The following RAB3GAP2 variants were observed in gnomAD, a reference collection of about 807,000 sequenced individuals.
RAB3GAP2 encodes rab3 GTPase-activating protein non-catalytic subunit.
A neutral mutation model predicts 185.3 loss-of-function variants in RAB3GAP2; 87 were observed. That is an observed-to-expected ratio of 0.47 (90% CI 0.39 to 0.56). The LOEUF (loss-of-function observed/expected upper bound fraction) is 0.56, where lower values mean the gene tolerates loss of function less well. Ranked by LOEUF, RAB3GAP2 falls within the 20% of genes least tolerant of loss-of-function variation. The pLI, the probability that RAB3GAP2 is intolerant of heterozygous loss-of-function variation, is 0.00. For missense variants in RAB3GAP2, 1,492 were observed against 1,638.2 expected, an observed-to-expected ratio of 0.91 and a Z score of 1.54; for synonymous variants, 554 against 576.1, an observed-to-expected ratio of 0.96 and a Z score of 0.55.
In RAB3GAP2 at chr1:220,217,637, A is replaced by G. The variant is rs192480315; in HGVS notation, c.181-3658T>C. 8.7e-3 allele frequency among the ~76,000 whole-genome samples: 1,325 copies of G among 152,254 alleles called. 13 individuals carry two copies. The highest frequency in any genetic ancestry group is 0.03 in the African/African-American group (1,247 of 41,544). On this transcript the variant is annotated intron_variant, in intron 2 of 34. Coordinates refer to ENST00000358951, the MANE Select transcript of RAB3GAP2 (RefSeq NM_012414.4). ...TATTTTTCACCTCCACATGTAGCAC[A>G]GTCCACTAATAGAATATAGGAGTAA...
intron 1 of RAB3GAP2, among the ~76,000 whole-genome samples, chr1:220,241,306 A>T (rs540515047): frequency 6.6e-6 from 1 of 152,212 alleles, no homozygotes; most frequent in East Asian, 1.9e-4. Flanking sequence ...TGCTTTTTCC[A>T]ATATGAGTAT....
At chr1:220,260,872 G>A (rs112449852) in intron 1 of RAB3GAP2, among the ~76,000 whole-genome samples, 7 of 152,170 alleles carry the variant, frequency 4.6e-5, no homozygotes, top group African/African-American at 9.6e-5. Context: ...CATATGGCTT[G>A]AACACTTCAA....
chr1:220,245,623 G>A (rs539144011), intron 1 of RAB3GAP2, among the ~76,000 whole-genome samples: 1 of 152,116 alleles, frequency 6.6e-6, no homozygotes, highest in South Asian at 2.1e-4. Flanking sequence ...GCTTGCTTAG[G>A]TAAACAAAGC....
rs971878780 is a variant in RAB3GAP2, at chr1:220,210,399, C to T, written c.601G>A (p.Val201Met). 17 of 1,613,742 alleles carry T rather than the reference C, an allele frequency of 1.1e-5. No individual in the cohort carries two copies. The highest frequency in any genetic ancestry group is 3.3e-5 in the South Asian group (3 of 91,082). Reference protein sequence around the residue: ...RTYEIPRHPGVTEQNEELSIL... With the variant: ...RTYEIPRHPGMTEQNEELSIL... ...ATTTTTTACACTACCTGCTCAGTCACGCCGGGATGTCGTGGTATTTCATAG... is the reference window on the plus strand; with the variant it reads ...ATTTTTTACACTACCTGCTCAGTCATGCCGGGATGTCGTGGTATTTCATAG... Residue 201 changes from valine (V) to methionine (M), a missense_variant, in exon 7 of 35, where the codon GTG becomes ATG. Coordinates refer to ENST00000358951, the MANE Select transcript of RAB3GAP2 (RefSeq NM_012414.4).
chr1:220,171,852 A>G, intron 23 of RAB3GAP2, 37 bp downstream of exon 23: 1 of 1,613,602 alleles, frequency 6.2e-7, no homozygotes, highest in Non-Finnish European at 8.5e-7. Context: ...AGCCTACTGG[A>G]TGTGTACAGA....
chr1:220,177,544 C>A (rs926838881), intron 21 of RAB3GAP2, among the ~76,000 whole-genome samples: 1 of 151,984 alleles, frequency 6.6e-6, no homozygotes, highest in Non-Finnish European at 1.5e-5. Context: ...GGAAGCTCAA[C>A]AAACTTTAAG....
intron 2 of RAB3GAP2, among the ~76,000 whole-genome samples, chr1:220,232,387 T>C (rs942467934): frequency 1.3e-5 from 2 of 152,198 alleles, no homozygotes; most frequent in Non-Finnish European, 2.9e-5. Flanking sequence ...GAATTTGTTA[T>C]AAAAAGAGGA....
intron 17 of RAB3GAP2, 103 bp downstream of exon 17, chr1:220,189,600 A>T: frequency 1.2e-4 from 121 of 1,024,726 alleles, no homozygotes; most frequent in Non-Finnish European, 1.5e-4. Flanking sequence ...TGAAAAGAAG[A>T]CTTCAGCCTC....
intron 31 of RAB3GAP2, among the ~76,000 whole-genome samples, chr1:220,154,611 T>C (rs1220875996): frequency 6.6e-6 from 1 of 152,094 alleles, no homozygotes; most frequent in African/African-American, 2.4e-5. Context: ...GAACACAGAT[T>C]ACTGACCCAC....
intron 30 of RAB3GAP2, 133 bp from the exon 31 acceptor site, chr1:220,157,621 A>G (rs1346651642): frequency 9.2e-7 from 1 of 1,083,678 alleles, no homozygotes; most frequent in East Asian, 2.6e-5. Flanking sequence ...AAAAAAACAC[A>G]AAGTCTAATT....
chr1:220,259,712 C>T (rs1660098499), intron 1 of RAB3GAP2, among the ~76,000 whole-genome samples: 2 of 152,050 alleles, frequency 1.3e-5, no homozygotes, highest in South Asian at 4.1e-4. Flanking sequence ...ATGCCAAAAG[C>T]AATTGCAACA....
intron 1 of RAB3GAP2, among the ~76,000 whole-genome samples, chr1:220,256,654 G>C (rs571711716): frequency 1.1e-4 from 17 of 152,260 alleles, no homozygotes; most frequent in African/African-American, 4.1e-4. Context: ...AAAAGACAAA[G>C]AAGGGCATTA....
chr1:220,226,064 G>GC (rs1046820743), intron 2 of RAB3GAP2, among the ~76,000 whole-genome samples: 4 of 152,124 alleles, frequency 2.6e-5, no homozygotes, highest in Admixed American at 1.3e-4. Flanking sequence ...AACAGATGGA[G>GC]CACATTTCAA....
intron 1 of RAB3GAP2, among the ~76,000 whole-genome samples, chr1:220,247,903 GA>G (rs1659849326): frequency 1.3e-5 from 2 of 151,304 alleles, no homozygotes; most frequent in African/African-American, 4.9e-5. Flanking sequence ...TTAGACAAAT[GA>G]AAAAAATGAA....
intron 24 of RAB3GAP2, among the ~76,000 whole-genome samples, chr1:220,169,928 C>T (rs745480424): frequency 4.6e-4 from 70 of 152,086 alleles, no homozygotes; most frequent in African/African-American, 1.3e-3. Flanking sequence ...GGTATATACC[C>T]GAAGGATTAT....
At chr1:220,210,724 AC>A in intron 6 of RAB3GAP2, 76 bp downstream of exon 6, 1 of 1,419,982 alleles carries the variant, frequency 7.0e-7, no homozygotes, top group Non-Finnish European at 9.8e-7. Flanking sequence ...TAATAAAGTC[AC>A]AAACAGTATA....
At position 220,150,712 on chromosome 1, in the gene RAB3GAP2, A is replaced by G. The variant is rs1657734819; in HGVS notation, c.*539T>C. 1 of 155,794 alleles carries G rather than the reference A, an allele frequency of 6.4e-6. No homozygotes were observed. The highest frequency in any genetic ancestry group is 1.4e-5 in the Non-Finnish European group (1 of 70,510). The allele number at this position is 155,794 out of a possible 1,614,324, so 9.7% of individuals were successfully genotyped here. A position where few individuals can be genotyped will look rare whatever the true frequency, so the allele number is the denominator to read the frequency against. On this transcript the variant is annotated 3_prime_UTR_variant, in exon 35 of 35. Transcript: ENST00000358951. ...AGCACGGTCATCCTCCTCTGATGGCAACAGCAGAACCTCTGGGAAAGGAAC... is the reference window on the plus strand; with the variant it reads ...AGCACGGTCATCCTCCTCTGATGGCGACAGCAGAACCTCTGGGAAAGGAAC...
chr1:220,234,416 T>C (rs1009746833), intron 1 of RAB3GAP2, among the ~76,000 whole-genome samples: 1 of 151,650 alleles, frequency 6.6e-6, no homozygotes, highest in African/African-American at 2.4e-5. Context: ...AGTCTAGTAC[T>C]TGGAGTCATT....
chr1:220,272,406 G>A lies in RAB3GAP2; in HGVS notation c.-69C>T. The stretch of plus-strand genomic sequence containing the variant: ...GCCCTGCCCCCTCCACCCCACTGCG[G>A]CCGCCACCGAGCCCCAATAGCTCTA... On this transcript the variant is annotated 5_prime_UTR_variant, in exon 1 of 35. Coordinates refer to ENST00000358951, the MANE Select transcript of RAB3GAP2 (RefSeq NM_012414.4). 1.8e-6 allele frequency: 2 copies of A among 1,127,840 alleles called. No homozygotes were observed. 69.9% of individuals were successfully genotyped at this position (1,127,840 alleles called of 1,614,324 possible).
Sources: allele counts gnomAD v4.1 joint callset (sites outside exome capture counted in the v4.1 genomes callset), GRCh38; gene constraint gnomAD v4.1.1; transcripts MANE v1.5; gene names NCBI Gene and HGNC (gene_info 2026-07-23, HGNC 2026-07-21).